TRRAP: variants seen among roughly 807,000 people sequenced by gnomAD.
TRRAP encodes the protein transformation/transcription domain associated protein.
A neutral mutation model predicts 438.8 loss-of-function variants in TRRAP; 41 were observed. That is an observed-to-expected ratio of 0.09 (90% CI 0.07 to 0.12). The LOEUF is 0.12. Ranked by LOEUF, TRRAP falls within the 10% of genes least tolerant of loss-of-function variation. The pLI is 1.00. For missense variants in TRRAP, 3,122 were observed against 5,055.1 expected (o/e 0.62, Z 11.60); for synonymous variants, 1,994 against 1,962.9 (o/e 1.02, Z -0.42).
chr7:98,890,691 T>C (rs1442224954), intron 4 of TRRAP, among the ~76,000 whole-genome samples: 1 of 151,842 alleles, frequency 6.6e-6, no homozygotes, highest in African/African-American at 2.4e-5. Flanking sequence ...CTGTTTACTA[T>C]AGACCAGTGC....
intron 22 of TRRAP, 42 bp from the exon 23 acceptor site, chr7:98,927,125 G>A (rs1790083844): frequency 1.2e-6 from 2 of 1,610,226 alleles, no homozygotes; most frequent in African/African-American, 2.7e-5. Flanking sequence ...CATCAGCTCA[G>A]GAGTTGGGTG....
At chr7:98,944,405 T>TG (rs1221822473) in intron 31 of TRRAP, among the ~76,000 whole-genome samples, 1 of 151,038 alleles carries the variant, frequency 6.6e-6, no homozygotes, top group Non-Finnish European at 1.5e-5. Context: ...TATTTGGAGG[T>TG]GGGGGTGCAG....
chr7:98,986,665 T>C (rs1231006961), intron 62 of TRRAP, among the ~76,000 whole-genome samples: 2 of 152,234 alleles, frequency 1.3e-5, no homozygotes, highest in Non-Finnish European at 2.9e-5. Flanking sequence ...TTTTCACTTT[T>C]TTGATAGTGT....
At chr7:98,888,544 A>T (rs1795818283) in intron 3 of TRRAP, among the ~76,000 whole-genome samples, 1 of 152,198 alleles carries the variant, frequency 6.6e-6, no homozygotes, top group Non-Finnish European at 1.5e-5. Flanking sequence ...CTCAAAAAAA[A>T]CTTAAAAGTT....
chr7:98,930,797 A>G lies in TRRAP; in HGVS notation c.3558A>G (p.Ala1186=), dbSNP rs113886181. 3.5e-4 allele frequency: 567 copies of G among 1,614,222 alleles called. 3 individuals are homozygous for G. In the African/African-American group the frequency reaches 6.3e-3, roughly 18 times the overall value. ...AGAACCAGCAGACATTCCTGAAAGC[A>G]CTTCTCTTTGTCATGATGGACTTAA... ...VLQNQQTFLK[A]LLFVMMDLTG... is the part of the protein sequence containing the mutation. The change falls in exon 25 of 73, where the codon GCA becomes GCG. Residue 1186 remains alanine (A), a synonymous_variant. Coordinates refer to ENST00000456197, the MANE Select transcript of TRRAP (RefSeq NM_001375524.1).
intron 45 of TRRAP, among the ~76,000 whole-genome samples, chr7:98,960,370 T>C (rs1791833341): frequency 6.6e-6 from 1 of 152,224 alleles, no homozygotes; most frequent in East Asian, 1.9e-4. Flanking sequence ...TGGAAACTTT[T>C]GCTATTGAGA....
At chr7:99,000,194 A>G (rs935091240) in intron 67 of TRRAP, among the ~76,000 whole-genome samples, 2 of 152,058 alleles carry the variant, frequency 1.3e-5, no homozygotes, top group Admixed American at 6.6e-5. Context: ...TTTTTAGTAC[A>G]GGTGGGGTTT....
At chr7:98,983,135 G>A (rs1793005240) in intron 59 of TRRAP, 129 bp from the exon 60 acceptor site, 1 of 836,648 alleles carries the variant, frequency 1.2e-6, no homozygotes, top group Non-Finnish European at 1.8e-6. Flanking sequence ...GTGTAAATGA[G>A]AGTGCTTCCT....
chr7:98,878,824 T>C (rs1795282226), intron 1 of TRRAP, among the ~76,000 whole-genome samples, 187 bp downstream of exon 1: 3 of 152,066 alleles, frequency 2.0e-5, no homozygotes, highest in African/African-American at 7.2e-5. Flanking sequence ...GCGGCCGAGC[T>C]GAGAGGAAGC....
chr7:98,901,997 C>T (rs192751408), intron 11 of TRRAP, among the ~76,000 whole-genome samples: 28 of 152,362 alleles, frequency 1.8e-4, no homozygotes, highest in Middle Eastern at 3.4e-3. Flanking sequence ...CCTGTCCCAT[C>T]AGCAGCCTTC....
At chr7:98,923,615 A>G (rs892048799) in intron 21 of TRRAP, among the ~76,000 whole-genome samples, 8 of 152,244 alleles carry the variant, frequency 5.3e-5, no homozygotes, top group African/African-American at 9.6e-5. Context: ...TACAACTGCT[A>G]CTGATCAGAT....
chr7:98,979,491 GT>G lies in TRRAP; in HGVS notation c.8634+595del, dbSNP rs1028861487. ...TCTGTACATGCTTAGTACAGATGCA[GT>G]TTTTTTTCCCCCAAATATTTTCCAT... On this transcript the variant is annotated intron_variant, in intron 58 of 72. Transcript: ENST00000456197. 3.3e-5 allele frequency among the ~76,000 whole-genome samples: 5 copies of G among 152,084 alleles called. No homozygotes were observed. In the East Asian group the frequency reaches 7.7e-4, roughly 23 times the overall value.
At chr7:99,003,494 G>A (rs1453188944) in intron 67 of TRRAP, among the ~76,000 whole-genome samples, 1 of 152,092 alleles carries the variant, frequency 6.6e-6, no homozygotes. Flanking sequence ...TGGTCTTCAG[G>A]CCCTGGTGAC....
chr7:98,965,011 C>T (rs536785874), intron 48 of TRRAP, among the ~76,000 whole-genome samples: 5 of 152,232 alleles, frequency 3.3e-5, no homozygotes, highest in Non-Finnish European at 7.3e-5. Flanking sequence ...AGCTCCTCAG[C>T]GGGCTGAGGC....
intron 67 of TRRAP, among the ~76,000 whole-genome samples, chr7:98,996,239 A>C (rs905491446): frequency 2.0e-5 from 3 of 152,012 alleles, no homozygotes; most frequent in Non-Finnish European, 4.4e-5. Flanking sequence ...CATTGTGCAC[A>C]CCCACATCCA....
chr7:98,901,333 G>A (rs921565870), intron 11 of TRRAP, among the ~76,000 whole-genome samples: 5 of 152,208 alleles, frequency 3.3e-5, no homozygotes, highest in Admixed American at 6.5e-5. Context: ...GGCTGCAGCC[G>A]TATGACCTCA....
chr7:98,958,006 C>G lies in TRRAP; in HGVS notation c.6257C>G (p.Pro2086Arg). Residue 2086 changes from proline to arginine, a missense_variant, in exon 44 of 73, where the codon CCT becomes CGT. By Grantham distance (103) the Pro-to-Arg change is moderately radical. Coordinates refer to ENST00000456197, the MANE Select transcript of TRRAP (RefSeq NM_001375524.1). Reference protein sequence around the residue: ...SAVFGRSQSLPGADSLLAKPI... With the variant: ...SAVFGRSQSLRGADSLLAKPI... The stretch of plus-strand genomic sequence containing the variant: ...GTCTTTGGGAGGAGCCAGTCGCTAC[C>G]TGGAGCAGACTCTCTCCTCGCCAAG... The G allele has an allele frequency of 6.2e-7, 1 of 1,614,168 alleles. No homozygotes were observed. The highest frequency in any genetic ancestry group is 2.2e-5 in the East Asian group (1 of 44,868).
chr7:98,945,832 A>G lies in TRRAP; in HGVS notation c.4527+32A>G, dbSNP rs782313463. The G allele has an allele frequency of 7.5e-6, 12 of 1,589,500 alleles. No individual in the cohort carries two copies. In the East Asian group the frequency reaches 2.7e-4, roughly 35 times the overall value. ...ACAACCTATTAACAGTCAGTTTCTG[A>G]CTTGCAATGTGAAGAAAAGTTTACC... On this transcript the variant is annotated intron_variant, in intron 32 of 72. Coordinates refer to ENST00000456197, the MANE Select transcript of TRRAP (RefSeq NM_001375524.1).
At chr7:98,951,100 G>GCT in intron 39 of TRRAP, 96 bp downstream of exon 39, 1 of 333,368 alleles carries the variant, frequency 3.0e-6, no homozygotes, top group Admixed American at 8.0e-5. Context: ...TGTGTTAAGG[G>GCT]GGTTCATTGA....
Sources: allele counts gnomAD v4.1 joint callset (sites outside exome capture counted in the v4.1 genomes callset), GRCh38; gene constraint gnomAD v4.1.1; transcripts MANE v1.5; gene names NCBI Gene and HGNC (gene_info 2026-07-23, HGNC 2026-07-21).